Variants in ZBTB16 observed in about 807,000 individuals in gnomAD.
ZBTB16 encodes zinc finger and BTB domain-containing protein 16.
A neutral mutation model predicts 56.8 loss-of-function variants in ZBTB16; 8 were observed. That is an observed-to-expected ratio of 0.14 (90% CI 0.08 to 0.25). The LOEUF (loss-of-function observed/expected upper bound fraction) is 0.25, where lower values mean the gene tolerates loss of function less well. Among genes scored for constraint, ZBTB16 ranks in the 10% least tolerant of loss-of-function variants. The probability of loss-of-function intolerance (pLI) is 1.00; values close to 1 mark genes in which losing one functional copy is unlikely to be tolerated. For synonymous variants in ZBTB16, 363 were observed against 368.5 expected (o/e 0.98, Z 0.17); for missense variants, 625 against 903.0 (o/e 0.69, Z 3.95).
At chr11:114,183,090 C>A (rs537075648) in intron 3 of ZBTB16, among the ~76,000 whole-genome samples, 72 of 148,460 alleles carry the variant, frequency 4.8e-4, no homozygotes, top group Non-Finnish European at 9.8e-4. Context: ...TTTGCTCTCA[C>A]CCTGGAGAGC....
At chr11:114,247,078 GT>G in intron 5 of ZBTB16, 119 bp from the exon 6 acceptor site, 1 of 1,328,484 alleles carries the variant, frequency 7.5e-7, no homozygotes, top group Non-Finnish European at 1.1e-6. Flanking sequence ...TCCTTAAGTT[GT>G]CTTTGGAGGT....
intron 2 of ZBTB16, among the ~76,000 whole-genome samples, chr11:114,093,361 C>G (rs1051956073): frequency 2.0e-5 from 3 of 152,080 alleles, no homozygotes; most frequent in Non-Finnish European, 4.4e-5. Flanking sequence ...TGCTGTTTCC[C>G]TGCTACAGAA....
At chr11:114,094,419 G>A (rs1488027432) in intron 2 of ZBTB16, among the ~76,000 whole-genome samples, 1 of 152,230 alleles carries the variant, frequency 6.6e-6, no homozygotes. Flanking sequence ...TCAACATTGG[G>A]ATATTGGAAT....
At chr11:114,249,152 A>C (rs1280876851) in intron 6 of ZBTB16, among the ~76,000 whole-genome samples, 1 of 149,448 alleles carries the variant, frequency 6.7e-6, no homozygotes, top group Non-Finnish European at 1.5e-5. Flanking sequence ...GTCCAGGGCA[A>C]GGTCTTAGCG....
intron 2 of ZBTB16, among the ~76,000 whole-genome samples, chr11:114,127,466 C>G (rs566788483): frequency 6.6e-6 from 1 of 152,284 alleles, no homozygotes; most frequent in Admixed American, 6.5e-5. Context: ...CTGTAATGGT[C>G]TGATGTCCCT....
At chr11:114,235,693 T>TCTATCTTTCTA (rs10669266) in intron 4 of ZBTB16, among the ~76,000 whole-genome samples, 1 of 114,304 alleles carries the variant, frequency 8.7e-6, no homozygotes, top group Non-Finnish European at 1.8e-5. Context: ...TTTCTTTCTT[T>TCTATCTTTCTA]TCTTTCTTTC....
intron 3 of ZBTB16, among the ~76,000 whole-genome samples, chr11:114,157,889 A>G (rs962011714): frequency 2.0e-5 from 3 of 150,936 alleles, no homozygotes; most frequent in East Asian, 3.9e-4. Context: ...GGCCCTCCCC[A>G]CCCTGCCCCT....
At chr11:114,186,878 C>A in intron 3 of ZBTB16, 74 bp from the exon 4 acceptor site, 2 of 1,435,088 alleles carry the variant, frequency 1.4e-6, no homozygotes, top group Non-Finnish European at 2.0e-6. Context: ...TCTACCTGCA[C>A]AGTTGTGGCC....
chr11:114,166,201 CGTGTGTGTGTGTGT>C (rs3057730), intron 3 of ZBTB16, among the ~76,000 whole-genome samples: 3,260 of 134,150 alleles, frequency 0.024, 37 homozygotes, highest in South Asian at 0.037. Context: ...GACTGGTCTA[CGTGTGTGTGTGTGT>C]GTGTGTGTGT....
At chr11:114,198,258 C>G (rs954544765) in intron 4 of ZBTB16, among the ~76,000 whole-genome samples, 3 of 152,176 alleles carry the variant, frequency 2.0e-5, no homozygotes, top group Admixed American at 2.0e-4. Flanking sequence ...GAAGAACGGC[C>G]GCGGAACGTC....
chr11:114,066,927 C>T (rs1565606187), intron 2 of ZBTB16, among the ~76,000 whole-genome samples: 2 of 151,704 alleles, frequency 1.3e-5, no homozygotes, highest in Non-Finnish European at 1.5e-5. Flanking sequence ...CCTGTCACCC[C>T]GCCCAGCTAA....
intron 2 of ZBTB16, among the ~76,000 whole-genome samples, chr11:114,078,944 C>G (rs527815516): frequency 6.6e-6 from 1 of 151,770 alleles, no homozygotes; most frequent in Non-Finnish European, 1.5e-5. Flanking sequence ...CCCAGCTAGT[C>G]GGGGGAGGCT....
At chr11:114,110,777 C>T (rs1940976267) in intron 2 of ZBTB16, among the ~76,000 whole-genome samples, 1 of 152,134 alleles carries the variant, frequency 6.6e-6, no homozygotes, top group African/African-American at 2.4e-5. Flanking sequence ...TTACCTGATG[C>T]TGAAGGGTAG....
rs1212548709 is a variant in ZBTB16, at chr11:114,062,006, C to T, written c.-90-1205C>T. Among the ~76,000 whole-genome samples, 4 of 152,132 alleles carry T rather than the reference C, an allele frequency of 2.6e-5. No homozygotes were observed. The East Asian group carries it at 7.7e-4, about 29-fold the overall frequency. ...TCTCTCCATACCTTAATGACCCATC[C>T]TTCTTCGTTTTTTAGATCCTCCTGT... On this transcript the variant is annotated intron_variant, in intron 1 of 6. Coordinates refer to ENST00000335953, the MANE Select transcript of ZBTB16 (RefSeq NM_006006.6).
At chr11:114,246,255 C>T (rs73007091) in intron 5 of ZBTB16, among the ~76,000 whole-genome samples, 1 of 152,050 alleles carries the variant, frequency 6.6e-6, no homozygotes, top group African/African-American at 2.4e-5. Context: ...GTATGGTGGG[C>T]AAGCCAGTAG....
intron 2 of ZBTB16, among the ~76,000 whole-genome samples, chr11:114,120,814 A>T (rs1941320132): frequency 6.6e-6 from 1 of 152,086 alleles, no homozygotes; most frequent in African/African-American, 2.4e-5. Context: ...GTCGGGGTGA[A>T]GCAATGGGAA....
rs1476258231 is a variant in ZBTB16 at position 114,251,849 on chromosome 11, G to C, written c.*1294G>C. Reference sequence around the variant, plus strand: ...GTTTTGCTTCTTTTCTGTGTCCCCTGTTAGCACATTGTACTTGAATTACCT... The same window carrying C: ...GTTTTGCTTCTTTTCTGTGTCCCCTCTTAGCACATTGTACTTGAATTACCT... On this transcript the variant is annotated 3_prime_UTR_variant, in exon 7 of 7. Coordinates refer to ENST00000335953, the MANE Select transcript of ZBTB16 (RefSeq NM_006006.6). Among the ~76,000 whole-genome samples, 2 of 152,188 alleles carry C rather than the reference G, an allele frequency of 1.3e-5. No homozygotes were observed. The highest frequency in any genetic ancestry group is 4.8e-5 in the African/African-American group (2 of 41,448).
intron 2 of ZBTB16, among the ~76,000 whole-genome samples, chr11:114,101,997 G>C (rs1940625400): frequency 6.6e-6 from 1 of 152,152 alleles, no homozygotes; most frequent in South Asian, 2.1e-4. Flanking sequence ...GATGTCTCTG[G>C]GATGGTCATG....
chr11:114,116,106 G>T (rs1941165789), intron 2 of ZBTB16, among the ~76,000 whole-genome samples: 1 of 152,198 alleles, frequency 6.6e-6, no homozygotes, highest in Admixed American at 6.5e-5. Context: ...TGCTGAAATT[G>T]GGGGCAGAAA....
Sources: allele counts gnomAD v4.1 joint callset (sites outside exome capture counted in the v4.1 genomes callset), GRCh38; gene constraint gnomAD v4.1.1; transcripts MANE v1.5; gene names NCBI Gene and HGNC (gene_info 2026-07-23, HGNC 2026-07-21).